Variants in CCN4 observed in about 807,000 individuals in gnomAD.
The protein encoded by CCN4 is CCN family member 4.
In CCN4, 30 loss-of-function variants were observed where a neutral mutation model predicts 36.7. The observed-to-expected ratio is 0.82, with a 90% CI of 0.61 to 1.11. CCN4 has a LOEUF of 1.11. Among genes scored for constraint, CCN4 ranks in the 50% least tolerant of loss-of-function variants. CCN4 has a pLI of 0.00. For synonymous variants in CCN4, 191 were observed against 195.4 expected (o/e 0.98, Z 0.19); for missense variants, 505 against 504.9 (o/e 1.00, Z 0.00).
chr8:133,227,310 G>A, intron 4 of CCN4, 101 bp from the exon 5 acceptor site: 2 of 1,233,868 alleles, frequency 1.6e-6, no homozygotes, highest in Non-Finnish European at 2.2e-6. Flanking sequence ...AAGGTGGAAT[G>A]CTCCCACATA....
intron 2 of CCN4, among the ~76,000 whole-genome samples, chr8:133,220,134 C>T (rs1314308760): frequency 6.6e-6 from 1 of 152,164 alleles, no homozygotes; most frequent in African/African-American, 2.4e-5. Context: ...GTCCCCAGCA[C>T]ATAGAAGGCT....
intron 1 of CCN4, among the ~76,000 whole-genome samples, chr8:133,200,378 G>A (rs1853544474): frequency 1.3e-5 from 2 of 152,170 alleles, no homozygotes; most frequent in Admixed American, 6.5e-5. Flanking sequence ...TCGGGTAGAT[G>A]CCCACTCTGC....
intron 1 of CCN4, among the ~76,000 whole-genome samples, chr8:133,194,444 T>A (rs1360836999): frequency 3.3e-5 from 1 of 30,546 alleles, no homozygotes. Context: ...GTGTGTGTGG[T>A]GTGTGTGTGG....
chr8:133,203,405 G>A (rs1029796172), intron 1 of CCN4, among the ~76,000 whole-genome samples: 2 of 152,182 alleles, frequency 1.3e-5, no homozygotes, highest in African/African-American at 4.8e-5. Context: ...TGAGGGAGCC[G>A]TGCAGCAAGG....
chr8:133,225,451 C>A lies in CCN4; in HGVS notation c.672C>A (p.Ser224Arg). 3 of 1,614,060 alleles carry A rather than the reference C, an allele frequency of 1.9e-6. No individual in the cohort carries two copies. The highest frequency in any genetic ancestry group is 2.5e-6 in the Non-Finnish European group (3 of 1,179,962). Residue 224 changes from serine to arginine, a missense_variant, in exon 4 of 5, where the codon AGC becomes AGA. Coordinates refer to ENST00000250160, the MANE Select transcript of CCN4 (RefSeq NM_003882.4). ...GCATAGCCTACACAAGCCCCTGGAG[C>A]CCTTGCTCCACCAGCTGCGGCCTGG... is the stretch of plus-strand genomic sequence containing the variant. ...RNCIAYTSPW[S>R]PCSTSCGLGV...
rs150347257 is a variant in CCN4 at position 133,227,503 on chromosome 8, G to C, written c.897G>C (p.Lys299Asn). ...TCAGCACACGCTCCTATCAACCCAA[G>C]TACTGTGGAGTTTGCATGGACAATA... ...GCISTRSYQP[K>N]YCGVCMDNRC... The change falls in exon 5 of 5, where the codon AAG becomes AAC. Residue 299 changes from lysine to asparagine, a missense_variant. Lys to Asn is a moderately conservative substitution (Grantham distance 94). Coordinates refer to ENST00000250160, the MANE Select transcript of CCN4 (RefSeq NM_003882.4). The C allele has an allele frequency of 6.2e-7, 1 of 1,614,184 alleles. No homozygotes were observed. The highest frequency in any genetic ancestry group is 1.7e-5 in the Admixed American group (1 of 60,024).
At chr8:133,204,575 T>C (rs1853700548) in intron 1 of CCN4, among the ~76,000 whole-genome samples, 1 of 152,212 alleles carries the variant, frequency 6.6e-6, no homozygotes, top group African/African-American at 2.4e-5. Flanking sequence ...TCTAGGAATC[T>C]GGTTTTTATC....
At chr8:133,193,838 C>A (rs1853202287) in intron 1 of CCN4, among the ~76,000 whole-genome samples, 1 of 152,138 alleles carries the variant, frequency 6.6e-6, no homozygotes, top group African/African-American at 2.4e-5. Context: ...GGGCAGAAAC[C>A]AGGGGCATGT....
At chr8:133,194,429 GGTATGTGTGTGTGGTGT>G (rs1366721041) in intron 1 of CCN4, among the ~76,000 whole-genome samples, 20 of 95,718 alleles carry the variant, frequency 2.1e-4, no homozygotes, top group African/African-American at 8.7e-4. Context: ...GTGTGTGTGT[GGTATGTGTGTGTGGTGT>G]GTGTGTGGTA....
chr8:133,219,439 G>A (rs1854438802), intron 2 of CCN4, among the ~76,000 whole-genome samples: 1 of 152,120 alleles, frequency 6.6e-6, no homozygotes, highest in South Asian at 2.1e-4. Context: ...ATCACCCAGT[G>A]AGGCCTTCCC....
At chr8:133,201,945 A>G (rs947289937) in intron 1 of CCN4, among the ~76,000 whole-genome samples, 2 of 152,202 alleles carry the variant, frequency 1.3e-5, no homozygotes, top group South Asian at 2.1e-4. Context: ...AAAGCTGCCG[A>G]TGCGTATGTA....
chr8:133,209,988 T>C (rs1050877540), intron 1 of CCN4, among the ~76,000 whole-genome samples: 4 of 152,178 alleles, frequency 2.6e-5, no homozygotes, highest in Admixed American at 2.0e-4. Flanking sequence ...TCAGGTTGCA[T>C]GTTCTTTTCT....
At chr8:133,205,951 G>A (rs367826931) in intron 1 of CCN4, among the ~76,000 whole-genome samples, 2 of 152,152 alleles carry the variant, frequency 1.3e-5, no homozygotes, top group Non-Finnish European at 2.9e-5. Context: ...ACAGAAATGG[G>A]TTTATCGTTT....
rs769645210 is a variant in CCN4 at position 133,220,751 on chromosome 8, A to G, written c.520A>G (p.Ser174Gly). Reference protein sequence around the residue: ...RLWCPHPRRVSIPGHCCEQWV... With the variant: ...RLWCPHPRRVGIPGHCCEQWV... ...CTGGTGCCCCCACCCGCGGCGCGTGAGCATACCTGGCCACTGCTGTGAGCA... is the reference window on the plus strand; with the variant it reads ...CTGGTGCCCCCACCCGCGGCGCGTGGGCATACCTGGCCACTGCTGTGAGCA... Residue 174 changes from serine to glycine, a missense_variant, in exon 3 of 5, where the codon AGC becomes GGC. Physicochemically the swap from Ser to Gly is moderately conservative, Grantham distance 56. Coordinates refer to ENST00000250160, the MANE Select transcript of CCN4 (RefSeq NM_003882.4). 1.5e-5 allele frequency: 25 copies of G among 1,613,314 alleles called. No homozygotes were observed. The highest frequency in any genetic ancestry group is 1.9e-5 in the Non-Finnish European group (23 of 1,179,970).
At chr8:133,203,794 G>T (rs1194753752) in intron 1 of CCN4, among the ~76,000 whole-genome samples, 3 of 152,156 alleles carry the variant, frequency 2.0e-5, no homozygotes, top group East Asian at 3.9e-4. Flanking sequence ...CAAACGGGAC[G>T]CTTCAGATAT....
At chr8:133,212,472 C>A (rs1006119417) in intron 1 of CCN4, among the ~76,000 whole-genome samples, 1 of 152,044 alleles carries the variant, frequency 6.6e-6, no homozygotes, top group African/African-American at 2.4e-5. Context: ...GGGATCCGAG[C>A]CCCGCGCAGC....
At chr8:133,203,021 A>G (rs571195511) in intron 1 of CCN4, among the ~76,000 whole-genome samples, 1 of 152,346 alleles carries the variant, frequency 6.6e-6, no homozygotes, top group African/African-American at 2.4e-5. Context: ...CCCTGTCCTG[A>G]AAGCTCCCGG....
At chr8:133,211,140 G>T (rs1465144552) in intron 1 of CCN4, among the ~76,000 whole-genome samples, 1 of 152,162 alleles carries the variant, frequency 6.6e-6, no homozygotes, top group Non-Finnish European at 1.5e-5. Context: ...CCTTCAAGGT[G>T]CAAGAGTGGA....
Position 133,191,154 on chromosome 8 carries a change from T to TA in CCN4, c.10_11insA (p.Phe4TyrfsTer51). 6.2e-7 allele frequency: 1 copy of TA among 1,606,782 alleles called. No homozygotes were observed. Among genetic ancestry groups the TA allele is most frequent in the Non-Finnish European group, 8.5e-7 (1 of 1,179,848 alleles). On this transcript the variant is annotated frameshift_variant, in exon 1 of 5. Coordinates refer to ENST00000250160, the MANE Select transcript of CCN4 (RefSeq NM_003882.4). LOFTEE classifies it high-confidence loss of function. ...CCACTGACGTCCAGGCATGAGGTGG[T>TA]TCCTGCCCTGGACGCTGGCAGCAGT... is the stretch of plus-strand genomic sequence containing the variant.
Sources: allele counts gnomAD v4.1 joint callset (sites outside exome capture counted in the v4.1 genomes callset), GRCh38; gene constraint gnomAD v4.1.1; transcripts MANE v1.5; gene names NCBI Gene and HGNC (gene_info 2026-07-23, HGNC 2026-07-21).